Variants in OPHN1 observed in about 807,000 individuals in gnomAD.
The protein encoded by OPHN1 is oligophrenin-1.
In OPHN1, 11 loss-of-function variants were observed where a neutral mutation model predicts 60.7. The ratio of observed to expected loss-of-function variants is 0.18; its 90% CI spans 0.11 to 0.30. The LOEUF is 0.30. Ranked by LOEUF, OPHN1 falls within the 10% of genes least tolerant of loss-of-function variation. OPHN1 has a pLI of 1.00. For missense variants in OPHN1, 449 were observed against 611.0 expected (o/e 0.73, Z 2.80); for synonymous variants, 226 against 222.6 (o/e 1.02, Z -0.14).
At chrX:68,244,173 C>G (rs2077794664) in intron 5 of OPHN1, among the ~76,000 whole-genome samples, 1 of 111,523 alleles carries the variant, frequency 9.0e-6, no homozygotes, top group Non-Finnish European at 1.9e-5. Flanking sequence ...CCTTTGTGCG[C>G]TTGCCATGAC....
At chrX:68,269,069 T>C (rs1449996045) in intron 5 of OPHN1, among the ~76,000 whole-genome samples, 2 of 111,471 alleles carry the variant, frequency 1.8e-5, no homozygotes, top group African/African-American at 6.5e-5. Flanking sequence ...TAGAAACCAC[T>C]GCTCAATGAA....
chrX:68,404,953 T>C (rs2147771490), intron 2 of OPHN1, among the ~76,000 whole-genome samples: 1 of 111,487 alleles, frequency 9.0e-6, no homozygotes, highest in East Asian at 2.8e-4. Context: ...GGTATAGAGG[T>C]TCATTGTTGC....
chrX:68,190,744 T>C (rs1157371371), intron 15 of OPHN1, among the ~76,000 whole-genome samples: 1 of 112,320 alleles, frequency 8.9e-6, no homozygotes, highest in Non-Finnish European at 1.9e-5. Context: ...AATAGTTCAA[T>C]AGTTATCTGA....
intron 20 of OPHN1, chrX:68,071,642 AGCCTTAATCCTCT>A (rs1569203146): frequency 2.9e-5 from 16 of 554,852 alleles, no homozygotes; most frequent in East Asian, 2.6e-4. Context: ...TTAAGACAGT[AGCCTTAATCCTCT>A]GGTTGTTTGT....
rs924786259 is a variant in OPHN1 at position 68,256,660 on chromosome X, A to G, written c.384+18078T>C. ...TTTTCCAACAGCATGTGCTGACTTC[A>G]TGTCTCTGTGTCAGCATCATTTTTT... On this transcript the variant is annotated intron_variant, in intron 5 of 24. Transcript: ENST00000355520. Among the ~76,000 whole-genome samples the G allele has an allele frequency of 2.7e-5, 3 of 111,863 alleles. No individual in the cohort carries two copies. The Admixed American group carries it at 2.9e-4, about 11-fold the overall frequency.
intron 2 of OPHN1, among the ~76,000 whole-genome samples, chrX:68,401,101 G>C (rs2078712218): frequency 9.0e-6 from 1 of 111,329 alleles, no homozygotes; most frequent in Non-Finnish European, 1.9e-5. Context: ...TTCCCACCAG[G>C]CACCACCTTC....
At chrX:68,227,686 T>A (rs1377359349) in intron 6 of OPHN1, among the ~76,000 whole-genome samples, 2 of 111,011 alleles carry the variant, frequency 1.8e-5, no homozygotes, top group African/African-American at 6.6e-5. Context: ...AAGGCAAAAA[T>A]AAAGATGTTC....
At chrX:68,411,321 G>A (rs190004542) in intron 2 of OPHN1, among the ~76,000 whole-genome samples, 8 of 112,110 alleles carry the variant, frequency 7.1e-5, no homozygotes, top group Non-Finnish European at 1.3e-4. Flanking sequence ...TTGTTGGGTC[G>A]AATGGTGGTA....
chrX:68,274,925 G>T, intron 4 of OPHN1, 116 bp from the exon 5 acceptor site: 1 of 520,352 alleles, frequency 1.9e-6, no homozygotes, highest in Non-Finnish European at 3.2e-6. Context: ...TAAATGGTTT[G>T]CTGATTTGTT....
Position 68,176,097 on chromosome X carries a change from A to G in OPHN1, c.1276+16822T>C, listed in dbSNP as rs187338293. ...TAAATGGATCAAAGACCCAAATGAA[A>G]GCAAAAGCTTGAAACTTTTAGAAGA... On this transcript the variant is annotated intron_variant, in intron 15 of 24. Transcript: ENST00000355520. Among the ~76,000 whole-genome samples the G allele has an allele frequency of 4.4e-5, 5 of 112,460 alleles. No homozygotes were observed. In the East Asian group the frequency reaches 1.1e-3, roughly 25 times the overall value.
At chrX:68,281,973 T>C (rs1174242857) in intron 4 of OPHN1, among the ~76,000 whole-genome samples, 1 of 112,452 alleles carries the variant, frequency 8.9e-6, no homozygotes, top group Non-Finnish European at 1.9e-5. Flanking sequence ...CTCTGATTCA[T>C]TGCTGGTTAT....
intron 3 of OPHN1, among the ~76,000 whole-genome samples, chrX:68,293,800 T>C (rs746857408): frequency 8.9e-6 from 1 of 111,796 alleles, no homozygotes; most frequent in Non-Finnish European, 1.9e-5. Context: ...AGTGCCAGCC[T>C]GTACTTGCAC....
intron 15 of OPHN1, among the ~76,000 whole-genome samples, chrX:68,178,447 G>A (rs2077423334): frequency 9.0e-6 from 1 of 111,344 alleles, no homozygotes; most frequent in African/African-American, 3.3e-5. Flanking sequence ...TCTACCACCT[G>A]GGCTGAAGTG....
At chrX:68,164,812 T>C (rs931586646) in intron 15 of OPHN1, among the ~76,000 whole-genome samples, 2 of 112,381 alleles carry the variant, frequency 1.8e-5, no homozygotes, top group East Asian at 2.8e-4. Context: ...TTCATCTACA[T>C]AGAAAAGTTG....
intron 3 of OPHN1, among the ~76,000 whole-genome samples, chrX:68,292,583 T>G (rs1455323597): frequency 9.0e-6 from 1 of 111,553 alleles, no homozygotes; most frequent in Non-Finnish European, 1.9e-5. Context: ...TGTTTTAATC[T>G]GATGCTTCCC....
chrX:68,320,193 T>C (rs1054318414), intron 2 of OPHN1, among the ~76,000 whole-genome samples: 18 of 110,055 alleles, frequency 1.6e-4, no homozygotes, highest in African/African-American at 5.6e-4. Context: ...ATATTAAAAA[T>C]ACAAAATTAG....
At chrX:68,298,094 A>G (rs1344641987) in intron 3 of OPHN1, among the ~76,000 whole-genome samples, 2 of 111,783 alleles carry the variant, frequency 1.8e-5, no homozygotes, top group African/African-American at 6.5e-5. Context: ...TTCCAGTAAC[A>G]ATAGATCATT....
intron 2 of OPHN1, among the ~76,000 whole-genome samples, chrX:68,393,885 G>GTTTGTTTTTTTTT (rs2078667077): frequency 1.2e-4 from 4 of 34,587 alleles, no homozygotes; most frequent in Non-Finnish European, 2.0e-4. Context: ...AATAGACTTT[G>GTTTGTTTTTTTTT]TTTTTTTTTT....
At chrX:68,055,968 G>C (rs538758753) in intron 21 of OPHN1, among the ~76,000 whole-genome samples, 1 of 111,119 alleles carries the variant, frequency 9.0e-6, no homozygotes, top group South Asian at 3.9e-4. Flanking sequence ...TGGGAGGAGC[G>C]GGGAGGGATA....
Sources: allele counts gnomAD v4.1 joint callset (sites outside exome capture counted in the v4.1 genomes callset), GRCh38; gene constraint gnomAD v4.1.1; transcripts MANE v1.5; gene names NCBI Gene and HGNC (gene_info 2026-07-23, HGNC 2026-07-21).